PPM1F: variants seen among roughly 807,000 people sequenced by gnomAD.
PPM1F encodes the protein protein phosphatase, Mg2+/Mn2+ dependent 1F.
In PPM1F, 17 loss-of-function variants were observed where a neutral mutation model predicts 35.5. The observed-to-expected ratio is 0.48, with a 90% confidence interval of 0.33 to 0.72. The LOEUF (loss-of-function observed/expected upper bound fraction) is 0.72, where lower values mean the gene tolerates loss of function less well. Among genes scored for constraint, PPM1F ranks in the 30% least tolerant of loss-of-function variants. The pLI is 0.02. For missense variants in PPM1F, 521 were observed against 613.0 expected, an observed-to-expected ratio of 0.85 and a Z score of 1.59; for synonymous variants, 241 against 255.5, an observed-to-expected ratio of 0.94 and a Z score of 0.54.
Position 21,939,327 on chromosome 22 carries a change from G to C in PPM1F, c.355+205C>G. 1.6e-6 allele frequency: 1 copy of C among 640,380 alleles called. No individual in the cohort carries two copies. Among genetic ancestry groups the C allele is most frequent in the Non-Finnish European group, 2.7e-6 (1 of 375,910 alleles). 39.7% of individuals were successfully genotyped at this position (640,380 alleles called of 1,614,324 possible). On this transcript the variant is annotated intron_variant, in intron 3 of 7. Transcript: ENST00000263212. The surrounding 1 kb of genome is among the most constrained non-coding windows in gnomAD (Gnocchi z 5.1). ...CACCCCTGCCTCGTGGGCTGACTGG[G>C]AACTATATGACCTGTGGAGGGCTGT...
intron 6 of PPM1F, among the ~76,000 whole-genome samples, chr22:21,930,576 G>C (rs1438073510): frequency 6.6e-6 from 1 of 152,230 alleles, no homozygotes; most frequent in East Asian, 1.9e-4. Context: ...AGCTGGTGGA[G>C]AACAGCACGT....
intron 2 of PPM1F, chr22:21,942,612 C>G (rs1306273753): frequency 6.6e-6 from 1 of 152,278 alleles, no homozygotes; most frequent in Non-Finnish European, 1.5e-5. Flanking sequence ...TCCCTTGGTC[C>G]CGGTGAGGCC....
Position 21,931,269 on chromosome 22 carries a change from C to T in PPM1F, c.770G>A (p.Gly257Asp). The T allele has an allele frequency of 4.3e-6, 7 of 1,613,008 alleles. No individual in the cohort carries two copies. Among genetic ancestry groups the T allele is most frequent in the Non-Finnish European group, 5.9e-6 (7 of 1,179,982 alleles). The stretch of plus-strand genomic sequence containing the variant: ...CGCTCCTGCAATGAGCGCACACACA[C>T]CTGTGGTGCCGCTCTGCAGCCGCTG... ...KRERLQSGTT[G>D]VCALIAGATL... Residue 257 changes from glycine to aspartate, a missense_variant, in exon 6 of 8, where the codon GGT (glycine) becomes GAT (aspartate). Gly to Asp is a moderately conservative substitution (Grantham distance 94). Transcript: ENST00000263212.
rs1299030865 is a variant in PPM1F at position 21,933,571 on chromosome 22, C to A, written c.567G>T (p.Val189=). 1 of 1,611,410 alleles carries A rather than the reference C, an allele frequency of 6.2e-7. No homozygotes were observed. Among genetic ancestry groups the A allele is most frequent in the African/African-American group, 1.3e-5 (1 of 75,032 alleles). The change falls in exon 5 of 8, where the codon GTG becomes GTT. Residue 189 remains valine (V), a synonymous_variant. Coordinates refer to ENST00000263212, the MANE Select transcript of PPM1F (RefSeq NM_014634.4). ...CAAACACAGCAAAGTAGGCGCGGTT[C>A]ACAGGGTCCTGGTGGGGATGTGGTG... ...FNQLFGLSDP[V]NRAYFAVFDG...
intron 6 of PPM1F, among the ~76,000 whole-genome samples, chr22:21,927,266 G>A (rs530545244): frequency 1.7e-4 from 26 of 152,280 alleles, no homozygotes; most frequent in African/African-American, 5.8e-4. Context: ...GCAGGTGGAT[G>A]AACACAGAGT....
Position 21,923,235 on chromosome 22 carries a change from C to T in PPM1F, c.1222G>A (p.Val408Ile), listed in dbSNP as rs2070468627. Residue 408 changes from valine to isoleucine, a missense_variant, in exon 8 of 8, where the codon GTC (valine) becomes ATC (isoleucine). Transcript: ENST00000263212. ...GGGTCCCTGAGGAAGACCACCATGA[C>T]CGTGATGTTGTCGTGGGAGCCCCGC... ...RERGSHDNIT[V>I]MVVFLRDPQE... is the part of the protein sequence containing the mutation. 2.5e-6 allele frequency: 4 copies of T among 1,613,598 alleles called. No homozygotes were observed. The highest frequency in any genetic ancestry group is 3.4e-6 in the Non-Finnish European group (4 of 1,179,990).
intron 6 of PPM1F, among the ~76,000 whole-genome samples, chr22:21,927,958 T>TG: frequency 7.0e-6 from 1 of 143,532 alleles, no homozygotes; most frequent in African/African-American, 2.6e-5. Flanking sequence ...TTTTTTTTTT[T>TG]TTTTTTTTTT....
intron 3 of PPM1F, chr22:21,938,399 C>T (rs1205950623): frequency 1.7e-6 from 2 of 1,156,480 alleles, no homozygotes; most frequent in East Asian, 7.7e-5. Flanking sequence ...TAAGGCAAGG[C>T]TGCGCTCCCA....
chr22:21,928,367 T>C (rs924418783), intron 6 of PPM1F, among the ~76,000 whole-genome samples: 2 of 152,214 alleles, frequency 1.3e-5, no homozygotes, highest in African/African-American at 4.8e-5. Context: ...CGTGCCAGCG[T>C]GACCTGTGAC....
intron 6 of PPM1F, chr22:21,925,956 T>C (rs932024139): frequency 5.6e-6 from 2 of 357,440 alleles, no homozygotes; most frequent in Non-Finnish European, 1.0e-5. Flanking sequence ...AGGGAGGCAC[T>C]CACGAGGCTT....
chr22:21,928,825 C>T (rs999799267), intron 6 of PPM1F, among the ~76,000 whole-genome samples: 1 of 150,782 alleles, frequency 6.6e-6, no homozygotes, highest in African/African-American at 2.5e-5. Context: ...GCCTGAGATG[C>T]GGCTCCATTC....
intron 3 of PPM1F, among the ~76,000 whole-genome samples, chr22:21,937,427 A>G (rs1307062844): frequency 6.6e-6 from 1 of 152,160 alleles, no homozygotes; most frequent in Non-Finnish European, 1.5e-5. Flanking sequence ...GGGGACTGGC[A>G]AGGCTATGGG....
intron 5 of PPM1F, among the ~76,000 whole-genome samples, chr22:21,931,682 T>A (rs181303054): frequency 8.8e-4 from 134 of 151,646 alleles, no homozygotes; most frequent in African/African-American, 3.1e-3. Context: ...CTGGCTAATT[T>A]TTTGTGTTTT....
chr22:21,951,651 G>C (rs922045670), intron 1 of PPM1F: 1 of 152,118 alleles, frequency 6.6e-6, no homozygotes, highest in Admixed American at 6.6e-5. Flanking sequence ...CCGGCCTTCA[G>C]GGGGTATCTT....
chr22:21,925,698 G>A, intron 6 of PPM1F, 36 bp from the exon 7 acceptor site: 2 of 1,521,292 alleles, frequency 1.3e-6, no homozygotes, highest in Non-Finnish European at 8.9e-7. Flanking sequence ...GGCAGGGCCG[G>A]GGGGATGGGG....
intron 6 of PPM1F, among the ~76,000 whole-genome samples, chr22:21,930,571 G>T (rs2070577097): frequency 6.6e-6 from 1 of 152,202 alleles, no homozygotes; most frequent in Non-Finnish European, 1.5e-5. Context: ...AACATAGCTG[G>T]TGGAGAACAG....
At position 21,939,527 on chromosome 22, in the gene PPM1F, C is replaced by T. The variant is rs758432445; in HGVS notation, c.355+5G>A. On this transcript the variant is annotated splice_donor_5th_base_variant and intron_variant, in intron 3 of 7. Coordinates refer to ENST00000263212, the MANE Select transcript of PPM1F (RefSeq NM_014634.4). This position sits in a 1 kb window ranked among gnomAD's most constrained non-coding sequence, Gnocchi z 5.1. ...TGGGGCCACCTCAGAAGAAACAGAA[C>T]TCACAGGTCACAGGGGCCTTTTCCT... is the stretch of plus-strand genomic sequence containing the variant. 1 of 1,602,528 alleles carries T rather than the reference C, an allele frequency of 6.2e-7. No individual in the cohort carries two copies. Among genetic ancestry groups the T allele is most frequent in the Non-Finnish European group, 8.5e-7 (1 of 1,173,776 alleles).
chr22:21,930,708 C>A, intron 6 of PPM1F, among the ~76,000 whole-genome samples: 1 of 152,200 alleles, frequency 6.6e-6, no homozygotes, highest in East Asian at 1.9e-4. Flanking sequence ...GGACTGTCAT[C>A]CTCATGTCCA....
Position 21,923,008 on chromosome 22 carries a change from C to A in PPM1F, c.*84G>T. ...TGTGGGGCGGGCACCCTGTCCACTGCCTGCCACCTGTTGGGTCCTGAGGCT... is the reference window on the plus strand; with the variant it reads ...TGTGGGGCGGGCACCCTGTCCACTGACTGCCACCTGTTGGGTCCTGAGGCT... On this transcript the variant is annotated 3_prime_UTR_variant, in exon 8 of 8. Coordinates refer to ENST00000263212, the MANE Select transcript of PPM1F (RefSeq NM_014634.4). 1 of 1,504,444 alleles carries A rather than the reference C, an allele frequency of 6.6e-7. No individual in the cohort carries two copies. Among genetic ancestry groups the A allele is most frequent in the South Asian group, 1.3e-5 (1 of 74,930 alleles). The allele number at this position is 1,504,444 out of a possible 1,614,324, so 93.2% of individuals were successfully genotyped here. A position where few individuals can be genotyped will look rare whatever the true frequency, so the allele number is the denominator to read the frequency against.
Sources: gnomAD v4.1 joint callset for allele counts (sites outside exome capture counted in the v4.1 genomes callset) on GRCh38, gnomAD v4.1.1 for gene constraint, Gnocchi (gnomAD v3.1) non-coding constraint, MANE v1.5 for transcripts, NCBI Gene and HGNC (gene_info 2026-07-23, HGNC 2026-07-21) for gene names.